Variants in UBE2B observed in about 807,000 individuals in gnomAD.
UBE2B encodes ubiquitin-conjugating enzyme E2 B.
UBE2B carries 11 observed loss-of-function variants against 24.6 expected under a neutral mutation model. The observed-to-expected ratio is 0.45, with a 90% CI of 0.28 to 0.74. The LOEUF is 0.74. Among genes scored for constraint, UBE2B ranks in the 30% least tolerant of loss-of-function variants. UBE2B has a pLI of 0.13. For missense variants in UBE2B, 78 were observed against 185.6 expected (o/e 0.42, Z 3.37); for synonymous variants, 68 against 62.4 (o/e 1.09, Z -0.42).
Position 134,373,705 on chromosome 5 carries a change from A to G in UBE2B, c.45-678A>G, listed in dbSNP as rs975366022. ...TGTGTCCAAGTGTTCTCATTGTTCAATTCCCACCTATGAGTGAGAACACGT... is the reference window on the plus strand; with the variant it reads ...TGTGTCCAAGTGTTCTCATTGTTCAGTTCCCACCTATGAGTGAGAACACGT... On this transcript the variant is annotated intron_variant, in intron 1 of 5. Coordinates refer to ENST00000265339, the MANE Select transcript of UBE2B (RefSeq NM_003337.4). Among the ~76,000 whole-genome samples, 13 of 152,060 alleles carry G rather than the reference A, an allele frequency of 8.5e-5. 1 individual carries two copies. Among genetic ancestry groups the G allele is most frequent in the East Asian group, 3.9e-4 (2 of 5,192 alleles).
In UBE2B at chr5:134,390,078, A is replaced by G; in HGVS notation, c.331-147A>G. The stretch of plus-strand genomic sequence containing the variant: ...TAGTATTTATCAAATCATTTCTAAA[A>G]GTATTTAGACCCAAAATTATATGAC... On this transcript the variant is annotated intron_variant, in intron 5 of 5. Transcript: ENST00000265339. This position sits in a 1 kb window ranked among gnomAD's most constrained non-coding sequence, Gnocchi z 4.6. 3 of 924,728 alleles carry G rather than the reference A, an allele frequency of 3.2e-6. No individual in the cohort carries two copies. The highest frequency in any genetic ancestry group is 3.3e-6 in the Non-Finnish European group (2 of 601,270). 57.3% of individuals were successfully genotyped at this position (924,728 alleles called of 1,614,324 possible). A position where few individuals can be genotyped will look rare whatever the true frequency, so the allele number is the denominator to read the frequency against.
Position 134,378,124 on chromosome 5 carries a change from G to A in UBE2B, c.151+1430G>A, listed in dbSNP as rs536848141. Among the ~76,000 whole-genome samples the A allele has an allele frequency of 2.0e-5, 3 of 152,206 alleles. No homozygotes were observed. The South Asian group carries it at 6.2e-4, about 32-fold the overall frequency. On this transcript the variant is annotated intron_variant, in intron 3 of 5. Transcript: ENST00000265339. ...GGTCAAGGCTGCAGTGAGCCCTGGT[G>A]GAGCCACTGAGCTCCAGCCTGGGTG... is the stretch of plus-strand genomic sequence containing the variant.
chr5:134,384,232 G>A (rs765255642), intron 4 of UBE2B, among the ~76,000 whole-genome samples: 2 of 152,136 alleles, frequency 1.3e-5, no homozygotes, highest in African/African-American at 2.4e-5. Flanking sequence ...ACATTATAGA[G>A]CTCCCTACCC....
At chr5:134,375,601 C>G (rs1001760861) in intron 2 of UBE2B, among the ~76,000 whole-genome samples, 2 of 151,932 alleles carry the variant, frequency 1.3e-5, no homozygotes, top group Admixed American at 6.6e-5. Flanking sequence ...TATGCTCCAT[C>G]CTGGCTAACA....
chr5:134,377,209 C>T (rs1408283899), intron 3 of UBE2B, among the ~76,000 whole-genome samples: 1 of 152,250 alleles, frequency 6.6e-6, no homozygotes. Flanking sequence ...GTTCTAATAC[C>T]GAATTTATAA....
chr5:134,388,712 A>G (rs1008232013), intron 5 of UBE2B, among the ~76,000 whole-genome samples: 2 of 151,960 alleles, frequency 1.3e-5, no homozygotes, highest in Non-Finnish European at 2.9e-5. Context: ...AAGTGTAGAT[A>G]AGCATTGAGT....
chr5:134,379,327 C>T (rs1011599002), intron 3 of UBE2B, among the ~76,000 whole-genome samples: 1 of 152,154 alleles, frequency 6.6e-6, no homozygotes, highest in African/African-American at 2.4e-5. Context: ...AGAATAGCTA[C>T]AGTCACCTGA....
intron 4 of UBE2B, among the ~76,000 whole-genome samples, chr5:134,384,206 T>G (rs1194492459): frequency 1.3e-5 from 2 of 152,192 alleles, no homozygotes; most frequent in African/African-American, 4.8e-5. Flanking sequence ...TGGTCGTGTC[T>G]CTAGTACTGC....
intron 4 of UBE2B, among the ~76,000 whole-genome samples, chr5:134,382,831 GTTTGTT>G (rs1430643040): frequency 1.3e-5 from 2 of 151,202 alleles, no homozygotes; most frequent in South Asian, 2.1e-4. Flanking sequence ...TTTTTGGTTT[GTTTGTT>G]TTTGTTTTTT....
intron 4 of UBE2B, among the ~76,000 whole-genome samples, chr5:134,382,174 C>T (rs1758718909): frequency 6.6e-6 from 1 of 152,040 alleles, no homozygotes; most frequent in South Asian, 2.1e-4. Context: ...CAATTTTGGC[C>T]AGGCGTGGTG....
intron 4 of UBE2B, 136 bp from the exon 5 acceptor site, chr5:134,388,189 T>G (rs1221464082): frequency 2.8e-6 from 2 of 707,094 alleles, no homozygotes; most frequent in Non-Finnish European, 4.9e-6. Context: ...TTAAGACAGG[T>G]TATCCTGTGA....
At chr5:134,374,953 A>C (rs1758574271) in intron 2 of UBE2B, among the ~76,000 whole-genome samples, 1 of 152,202 alleles carries the variant, frequency 6.6e-6, no homozygotes. Context: ...TATCAAAAAA[A>C]AAAAGGAAAA....
chr5:134,376,339 A>AT lies in UBE2B; in HGVS notation c.126-330_126-329insT, dbSNP rs1342913170. 5.9e-3 allele frequency among the ~76,000 whole-genome samples: 450 copies of AT among 76,096 alleles called. 25 individuals are homozygous for AT. The highest frequency in any genetic ancestry group is 0.016 in the Admixed American group (90 of 5,456). The allele number at this position is 76,096 out of a possible 152,430, so 49.9% of individuals were successfully genotyped here. On this transcript the variant is annotated intron_variant, in intron 2 of 5. Coordinates refer to ENST00000265339, the MANE Select transcript of UBE2B (RefSeq NM_003337.4). ...CTCCGTCTCAAAAAAAAAAAAAAAA[A>AT]AAAAAAAAAATATATATATATATAT...
chr5:134,380,671 T>TA (rs748868812), intron 3 of UBE2B, 48 bp from the exon 4 acceptor site: 2 of 1,124,396 alleles, frequency 1.8e-6, no homozygotes, highest in Non-Finnish European at 2.7e-6. Context: ...ATGAAGAGAT[T>TA]AAAAAGTCGT....
At position 134,391,102 on chromosome 5, in the gene UBE2B, G is replaced by C. The variant is rs1181712185; in HGVS notation, c.*749G>C. 2 of 152,678 alleles carry C rather than the reference G, an allele frequency of 1.3e-5. No individual in the cohort carries two copies. Among genetic ancestry groups the C allele is most frequent in the Non-Finnish European group, 2.9e-5 (2 of 68,046 alleles). 9.5% of individuals were successfully genotyped at this position (152,678 alleles called of 1,614,324 possible). ...ATTTCACAGTTGGCACTTCTGCCATGAGCAGAGAACTGATGCGACTTGTTT... is the reference window on the plus strand; with the variant it reads ...ATTTCACAGTTGGCACTTCTGCCATCAGCAGAGAACTGATGCGACTTGTTT... On this transcript the variant is annotated 3_prime_UTR_variant, in exon 6 of 6. Transcript: ENST00000265339.
Position 134,390,217 on chromosome 5 carries a change from C to T in UBE2B, c.331-8C>T. The T allele has an allele frequency of 6.2e-7, 1 of 1,613,826 alleles. No individual in the cohort carries two copies. Among genetic ancestry groups the T allele is most frequent in the Non-Finnish European group, 8.5e-7 (1 of 1,179,928 alleles). On this transcript the variant is annotated splice_region_variant and splice_polypyrimidine_tract_variant and intron_variant, in intron 5 of 5. Coordinates refer to ENST00000265339, the MANE Select transcript of UBE2B (RefSeq NM_003337.4). The surrounding 1 kb of genome is among the most constrained non-coding windows in gnomAD (Gnocchi z 4.6). ...TGCAAATCTGTTTTTTCTTTTCTTT[C>T]CTCCTAGTCTCTGCTGGATGAACCG...
chr5:134,373,706 T>G (rs1758539070), intron 1 of UBE2B, among the ~76,000 whole-genome samples: 1 of 152,176 alleles, frequency 6.6e-6, no homozygotes, highest in African/African-American at 2.4e-5. Flanking sequence ...CATTGTTCAA[T>G]TCCCACCTAT....
chr5:134,377,613 T>TGG (rs35324424), intron 3 of UBE2B, among the ~76,000 whole-genome samples: 6 of 151,662 alleles, frequency 4.0e-5, no homozygotes, highest in African/African-American at 9.7e-5. Context: ...TGATTATCTG[T>TGG]GGGGGGGGTA....
rs1758892649 is a variant in UBE2B at position 134,391,296 on chromosome 5, C to T, written c.*943C>T. On this transcript the variant is annotated 3_prime_UTR_variant, in exon 6 of 6. Coordinates refer to ENST00000265339, the MANE Select transcript of UBE2B (RefSeq NM_003337.4). ...TGTAACTTAAATATTTGAAAATTAC[C>T]TTTAATGCAATGCATATCTGTTTAT... 1.3e-5 allele frequency: 2 copies of T among 152,328 alleles called. No individual in the cohort carries two copies. Among genetic ancestry groups the T allele is most frequent in the African/African-American group, 4.8e-5 (2 of 41,418 alleles). 9.4% of individuals were successfully genotyped at this position (152,328 alleles called of 1,614,324 possible).
Sources: allele counts gnomAD v4.1 joint callset (sites outside exome capture counted in the v4.1 genomes callset), GRCh38; gene constraint gnomAD v4.1.1; non-coding constraint Gnocchi (gnomAD v3.1); transcripts MANE v1.5; gene names NCBI Gene and HGNC (gene_info 2026-07-23, HGNC 2026-07-21).